Variants in DST observed in about 807,000 individuals in gnomAD.
DST encodes the protein dystonin, also known as bullous pemphigoid antigen.
Under a neutral mutation model 875.2 loss-of-function variants are expected in DST, and 253 were observed. The observed-to-expected ratio is 0.29, with a 90% confidence interval of 0.26 to 0.32. The LOEUF (loss-of-function observed/expected upper bound fraction) is 0.32. DST is among the 10% of genes least tolerant of loss of function. The pLI, the probability that DST is intolerant of heterozygous loss-of-function variation, is 1.00. For synonymous variants in DST, 3,124 were observed against 3,197.1 expected (o/e 0.98, Z 0.77); for missense variants, 8,287 against 9,111.6 (o/e 0.91, Z 3.68).
intron 2 of DST, among the ~76,000 whole-genome samples, chr6:56,904,114 G>A (rs1795315923): frequency 1.3e-5 from 2 of 152,212 alleles, no homozygotes; most frequent in African/African-American, 4.8e-5. Context: ...TAGTAGTACA[G>A]AAACATTCAC....
At chr6:56,790,687 AT>A (rs2099719773) in intron 4 of DST, among the ~76,000 whole-genome samples, 1 of 152,132 alleles carries the variant, frequency 6.6e-6, no homozygotes, top group African/African-American at 2.4e-5. Context: ...AATTAAATAT[AT>A]TTTACTACCT....
Position 56,532,356 on chromosome 6 carries a change from T to C in DST, c.17096A>G (p.Lys5699Arg). Residue 5699 changes from lysine (K) to arginine (R), a missense_variant, in exon 64 of 104, where the codon AAA (lysine) becomes AGA (arginine). Transcript: ENST00000680361. ...GTATATAAGTTACCTTGTTTCAGCT[T>C]TATTAAGCAATGCCTCCCATCTGCT... ...LDSRWEALLN[K>R]AETRNRQLEG... 1.9e-6 allele frequency: 3 copies of C among 1,613,518 alleles called. No homozygotes were observed. The highest frequency in any genetic ancestry group is 2.5e-6 in the Non-Finnish European group (3 of 1,179,628).
At chr6:56,643,368 G>A (rs575874195) in intron 15 of DST, among the ~76,000 whole-genome samples, 34 of 151,926 alleles carry the variant, frequency 2.2e-4, no homozygotes, top group African/African-American at 8.0e-4. Flanking sequence ...CATGTCATTT[G>A]TTTATTAGGT....
At chr6:56,490,058 G>A (rs1383657003) in intron 85 of DST, among the ~76,000 whole-genome samples, 2 of 151,936 alleles carry the variant, frequency 1.3e-5, no homozygotes, top group African/African-American at 4.8e-5. Context: ...AATGGGGAGG[G>A]GTAAGTATAA....
intron 9 of DST, among the ~76,000 whole-genome samples, chr6:56,681,585 A>G (rs966719322): frequency 2.6e-5 from 4 of 152,194 alleles, no homozygotes; most frequent in African/African-American, 9.6e-5. Flanking sequence ...ATACTGGTAT[A>G]ATAGCAGTAC....
intron 4 of DST, among the ~76,000 whole-genome samples, chr6:56,782,145 T>C (rs1243641321): frequency 6.6e-6 from 1 of 152,196 alleles, no homozygotes; most frequent in Non-Finnish European, 1.5e-5. Flanking sequence ...TTGAGGATTT[T>C]TGCATCAATG....
intron 49 of DST, among the ~76,000 whole-genome samples, chr6:56,587,981 G>C (rs2098194528): frequency 1.3e-5 from 2 of 152,032 alleles, no homozygotes; most frequent in South Asian, 4.2e-4. Context: ...AGACCATCGA[G>C]ACTAGGAAGC....
At chr6:56,662,533 G>A (rs2152815212) in intron 10 of DST, among the ~76,000 whole-genome samples, 1 of 152,330 alleles carries the variant, frequency 6.6e-6, no homozygotes, top group Admixed American at 6.5e-5. Context: ...AGTCTCCCAT[G>A]AAGAGGACAA....
chr6:56,561,671 T>A, intron 56 of DST, 122 bp from the exon 57 acceptor site: 2 of 899,630 alleles, frequency 2.2e-6, no homozygotes, highest in Non-Finnish European at 3.3e-6. Flanking sequence ...TTAAGCCTAG[T>A]AGATAAAGTC....
At chr6:56,716,081 C>T (rs538187022) in intron 5 of DST, among the ~76,000 whole-genome samples, 2 of 152,212 alleles carry the variant, frequency 1.3e-5, no homozygotes, top group African/African-American at 4.8e-5. Flanking sequence ...GAAGCTTGCC[C>T]TCCACCCCTA....
rs561644207 is a variant in DST, at chr6:56,908,142, T to C, written c.217-7521A>G. Among the ~76,000 whole-genome samples, 5 of 150,968 alleles carry C rather than the reference T, an allele frequency of 3.3e-5. No individual in the cohort carries two copies. In the East Asian group the frequency reaches 9.9e-4, roughly 30 times the overall value. On this transcript the variant is annotated intron_variant, in intron 2 of 103. Transcript: ENST00000680361. ...ATATATACACACATATATGTATATA[T>C]AATGTTACTTTTGTGTTATACAAGA...
intron 8 of DST, 72 bp downstream of exon 8, chr6:56,701,816 C>T: frequency 1.1e-6 from 1 of 949,664 alleles, no homozygotes; most frequent in Non-Finnish European, 1.6e-6. Context: ...CTTGTCATTC[C>T]TTGACATGTT....
chr6:56,803,344 A>G (rs955797798), intron 4 of DST, among the ~76,000 whole-genome samples: 1 of 152,216 alleles, frequency 6.6e-6, no homozygotes, highest in African/African-American at 2.4e-5. Context: ...TTAGTTTTCC[A>G]TCGGCGTTGT....
intron 5 of DST, among the ~76,000 whole-genome samples, chr6:56,726,126 G>A (rs1221003554): frequency 6.6e-6 from 1 of 152,036 alleles, no homozygotes; most frequent in Non-Finnish European, 1.5e-5. Flanking sequence ...TCTTTTAAAT[G>A]TTCACAACAC....
chr6:56,743,057 C>A (rs1273673990), intron 4 of DST, among the ~76,000 whole-genome samples: 2 of 152,130 alleles, frequency 1.3e-5, no homozygotes, highest in Non-Finnish European at 2.9e-5. Flanking sequence ...AACAATAGAA[C>A]CCCTAATCTA....
intron 27 of DST, among the ~76,000 whole-genome samples, chr6:56,633,416 C>T (rs1044694074): frequency 6.6e-6 from 1 of 151,182 alleles, no homozygotes; most frequent in Admixed American, 6.6e-5. Context: ...TTAGTAGAGA[C>T]GGGGTTTCAC....
chr6:56,662,314 T>C (rs527475934), intron 10 of DST, among the ~76,000 whole-genome samples: 1 of 152,328 alleles, frequency 6.6e-6, no homozygotes, highest in Admixed American at 6.5e-5. Flanking sequence ...TATGGATATA[T>C]TCACATGCCT....
intron 3 of DST, among the ~76,000 whole-genome samples, chr6:56,883,140 T>C (rs1220765426): frequency 2.0e-5 from 3 of 152,206 alleles, no homozygotes; most frequent in Admixed American, 6.5e-5. Context: ...AGTGCTGGGA[T>C]TACAGGTGTG....
At chr6:56,504,564 C>G (rs1031056243) in intron 77 of DST, among the ~76,000 whole-genome samples, 5 of 152,040 alleles carry the variant, frequency 3.3e-5, no homozygotes, top group Non-Finnish European at 7.4e-5. Flanking sequence ...CATTAAGATC[C>G]TGCACATATA....
Sources: allele counts gnomAD v4.1 joint callset (sites outside exome capture counted in the v4.1 genomes callset), GRCh38; gene constraint gnomAD v4.1.1; transcripts MANE v1.5; gene names NCBI Gene and HGNC (gene_info 2026-07-23, HGNC 2026-07-21).